The following KAZN variants were observed in gnomAD, a reference collection of about 807,000 sequenced individuals.
KAZN encodes the protein kazrin, periplakin interacting protein.
Under a neutral mutation model 87.4 loss-of-function variants are expected in KAZN, and 40 were observed. The observed-to-expected ratio is 0.46, with a 90% confidence interval of 0.36 to 0.60. The LOEUF (loss-of-function observed/expected upper bound fraction) is 0.60, where lower values mean the gene tolerates loss of function less well. Among genes scored for constraint, KAZN ranks in the 20% least tolerant of loss-of-function variants. The probability of loss-of-function intolerance (pLI) is 0.00; values close to 1 mark genes in which losing one functional copy is unlikely to be tolerated. For missense variants in KAZN, 898 were observed against 1,073.9 expected (o/e 0.84, Z 2.29); for synonymous variants, 466 against 458.3 (o/e 1.02, Z -0.22).
chr1:14,723,925 C>T lies in KAZN; in HGVS notation c.226+124702C>T, dbSNP rs894215277. Among the ~76,000 whole-genome samples, 5 of 152,340 alleles carry T rather than the reference C, an allele frequency of 3.3e-5. No homozygotes were observed. The South Asian group carries it at 1.0e-3, about 32-fold the overall frequency. ...CAAAACCCCTGCCCTCATGAAGTTT[C>T]TGTCCACACATGAGCGTGGACAGAT... On this transcript the variant is annotated intron_variant, in intron 1 of 14. Transcript: ENST00000376030.
At chr1:13,952,069 G>A (rs1641368066) in intron 1 of KAZN, among the ~76,000 whole-genome samples, 1 of 152,136 alleles carries the variant, frequency 6.6e-6, no homozygotes, top group South Asian at 2.1e-4. Context: ...ATTGTTTGAG[G>A]ACTATTTGTT....
chr1:14,205,666 C>T (rs558366736), intron 2 of KAZN, among the ~76,000 whole-genome samples: 4 of 151,864 alleles, frequency 2.6e-5, no homozygotes, highest in South Asian at 2.1e-4. Flanking sequence ...GGGCAGATCA[C>T]GAGGTCAGGA....
At chr1:15,092,373 C>A (rs962558002) in intron 8 of KAZN, among the ~76,000 whole-genome samples, 3 of 152,060 alleles carry the variant, frequency 2.0e-5, no homozygotes, top group African/African-American at 7.2e-5. Flanking sequence ...CTGTGCCCAG[C>A]CAGTCAGAGT....
chr1:14,274,716 G>A (rs1652212782), intron 2 of KAZN, among the ~76,000 whole-genome samples: 1 of 152,132 alleles, frequency 6.6e-6, no homozygotes, highest in African/African-American at 2.4e-5. Flanking sequence ...TGTGACGTGG[G>A]GAGCAGGTCA....
chr1:14,550,164 C>T (rs147611751), intron 2 of KAZN, among the ~76,000 whole-genome samples: 1 of 152,274 alleles, frequency 6.6e-6, no homozygotes, highest in African/African-American at 2.4e-5. Context: ...CCAGGCACTG[C>T]CTAGGATCTG....
chr1:14,758,709 T>C (rs1363330789), intron 1 of KAZN, among the ~76,000 whole-genome samples: 2 of 152,154 alleles, frequency 1.3e-5, no homozygotes. Flanking sequence ...TTGAATGTGC[T>C]TTTTGACCTC....
At position 15,051,321 on chromosome 1, in the gene KAZN, T is replaced by G. The variant is rs561208804; in HGVS notation, c.727-4770T>G. Among the ~76,000 whole-genome samples, 168 of 152,348 alleles carry G rather than the reference T, an allele frequency of 1.1e-3. 1 individual carries two copies. Among genetic ancestry groups the G allele is most frequent in the African/African-American group, 3.8e-3 (160 of 41,586 alleles). On this transcript the variant is annotated intron_variant, in intron 4 of 14. Transcript: ENST00000376030. ...TCAGGCCCTCCTGGTTAACAGGAAC[T>G]GCCATTGGCCCCAGCCAAAAGGCAG...
intron 2 of KAZN, among the ~76,000 whole-genome samples, chr1:15,015,344 G>A (rs886717311): frequency 1.3e-5 from 2 of 152,084 alleles, no homozygotes; most frequent in African/African-American, 4.8e-5. Context: ...GTAGAGACGG[G>A]ATTTCGCCAT....
intron 2 of KAZN, among the ~76,000 whole-genome samples, chr1:14,424,318 C>T (rs529150743): frequency 5.9e-5 from 9 of 152,330 alleles, no homozygotes; most frequent in African/African-American, 2.2e-4. Context: ...TGGCTGAGCT[C>T]AGATGAGCAC....
At chr1:14,382,613 C>A (rs1571463260) in intron 2 of KAZN, among the ~76,000 whole-genome samples, 1 of 148,474 alleles carries the variant, frequency 6.7e-6, no homozygotes, top group Non-Finnish European at 1.5e-5. Flanking sequence ...ATGATGATTT[C>A]CAATTTCATC....
rs141574745 is a variant in KAZN, at chr1:14,210,523, C to A, written c.249+29931C>A. The stretch of plus-strand genomic sequence containing the variant: ...TGAACAATGGGGTCTAAACCTTCTC[C>A]CTAATGAATATATTAATTAAACATG... On this transcript the variant is annotated intron_variant, in intron 2 of 16. Coordinates refer to the KAZN transcript ENST00000636203. Among the ~76,000 whole-genome samples the A allele has an allele frequency of 8.5e-5, 13 of 152,184 alleles. No homozygotes were observed. The South Asian group carries it at 2.3e-3, about 27-fold the overall frequency.
intron 2 of KAZN, among the ~76,000 whole-genome samples, chr1:14,571,714 C>G (rs539703943): frequency 3.3e-5 from 5 of 152,106 alleles, no homozygotes; most frequent in Admixed American, 2.0e-4. Flanking sequence ...TGTGAGACTC[C>G]GGGCCAGGGT....
chr1:14,757,768 G>A (rs1452801417), intron 1 of KAZN, among the ~76,000 whole-genome samples: 1 of 152,192 alleles, frequency 6.6e-6, no homozygotes, highest in Non-Finnish European at 1.5e-5. Context: ...CTCTTCTGAT[G>A]CCTTCTCATG....
rs190381565 is a variant in KAZN, at chr1:14,465,227, A to G, written c.250-133756A>G. On this transcript the variant is annotated intron_variant, in intron 2 of 16. Transcript: ENST00000636203. Reference sequence around the variant, plus strand: ...ATCCTGGCTAACATGGTGAAACCCCATCTCTACTAAAAATACAAAAAATTG... The same window carrying G: ...ATCCTGGCTAACATGGTGAAACCCCGTCTCTACTAAAAATACAAAAAATTG... Among the ~76,000 whole-genome samples the G allele has an allele frequency of 6.3e-3, 961 of 151,544 alleles. 11 individuals are homozygous for G. Among genetic ancestry groups the G allele is most frequent in the African/African-American group, 0.021 (873 of 41,326 alleles).
chr1:14,810,715 G>A (rs1269681276), intron 1 of KAZN, among the ~76,000 whole-genome samples: 1 of 152,196 alleles, frequency 6.6e-6, no homozygotes, highest in African/African-American at 2.4e-5. Flanking sequence ...GGCTTGTTGG[G>A]GACACCAGGC....
chr1:14,977,947 G>A (rs990668133), intron 2 of KAZN, among the ~76,000 whole-genome samples: 17 of 140,006 alleles, frequency 1.2e-4, no homozygotes. Flanking sequence ...AGGCTGGAGT[G>A]CAATGGCACG....
intron 1 of KAZN, among the ~76,000 whole-genome samples, chr1:14,058,744 GGAGGA>G (rs768768130): frequency 2.6e-5 from 4 of 152,166 alleles, no homozygotes; most frequent in Non-Finnish European, 5.9e-5. Context: ...AACAGAAAGG[GGAGGA>G]GGGACCTAGT....
Position 14,583,096 on chromosome 1 carries a change from C to A in KAZN, c.250-15887C>A, listed in dbSNP as rs148206673. 3.6e-4 allele frequency among the ~76,000 whole-genome samples: 55 copies of A among 152,310 alleles called. No individual in the cohort carries two copies. In the East Asian group the frequency reaches 8.1e-3, roughly 22 times the overall value. ...ACTTAATCTTCACAACAAACCTATG[C>A]GACAGAAACTACACTATTATTGTCA... On this transcript the variant is annotated intron_variant, in intron 2 of 16. Coordinates refer to the KAZN transcript ENST00000636203.
intron 2 of KAZN, among the ~76,000 whole-genome samples, chr1:14,439,398 T>A (rs2101438987): frequency 6.6e-6 from 1 of 152,330 alleles, no homozygotes; most frequent in East Asian, 1.9e-4. Flanking sequence ...AACTGCCTCC[T>A]AACAGAGTTA....
Sources: gnomAD v4.1 joint callset for allele counts (sites outside exome capture counted in the v4.1 genomes callset) on GRCh38, gnomAD v4.1.1 for gene constraint, MANE v1.5 for transcripts, NCBI Gene and HGNC (gene_info 2026-07-23, HGNC 2026-07-21) for gene names.